The following AP1M1 variants were observed in gnomAD, a reference collection of about 807,000 sequenced individuals.
AP1M1 encodes adaptor related protein complex 1 subunit mu 1, also known as AP-1 complex subunit mu-1.
A neutral mutation model predicts 57.1 loss-of-function variants in AP1M1; 18 were observed. The ratio of observed to expected loss-of-function variants is 0.32; its 90% CI spans 0.22 to 0.47. The LOEUF is 0.47. AP1M1 is among the 20% of genes least tolerant of loss of function. AP1M1 has a pLI of 1.00. For missense variants in AP1M1, 362 were observed against 593.5 expected, an observed-to-expected ratio of 0.61 and a Z score of 4.05; for synonymous variants, 241 against 237.9, an observed-to-expected ratio of 1.01 and a Z score of -0.12.
At chr19:16,233,658 A>G in intron 10 of AP1M1, 40 bp downstream of exon 10, 1 of 1,585,440 alleles carries the variant, frequency 6.3e-7, no homozygotes, top group Middle Eastern at 1.7e-4. Context: ...GAACAGGGAC[A>G]GAGGCCGCAG....
chr19:16,197,914 A>G lies in AP1M1; in HGVS notation c.-113A>G, dbSNP rs1394988010. The G allele has an allele frequency of 1.2e-6, 1 of 847,582 alleles. No individual in the cohort carries two copies. The highest frequency in any genetic ancestry group is 1.7e-6 in the Non-Finnish European group (1 of 583,242). 52.5% of individuals were successfully genotyped at this position (847,582 alleles called of 1,614,324 possible). The stretch of plus-strand genomic sequence containing the variant: ...TCCCCGCGCGGCTCCCCGAACCGGA[A>G]GTGGAGGTGAGCTGTCGCGGGCGGC... On this transcript the variant is annotated 5_prime_UTR_variant, in exon 1 of 12. Transcript: ENST00000291439.
rs1347693912 is a variant in AP1M1 at position 16,239,327 on chromosome 19, C to T, written c.*4892C>T. The T allele has an allele frequency of 7.9e-6, 1 of 127,320 alleles. No homozygotes were observed. Among genetic ancestry groups the T allele is most frequent in the Non-Finnish European group, 1.6e-5 (1 of 63,244 alleles). The allele number at this position is 127,320 out of a possible 1,614,324, so 7.9% of individuals were successfully genotyped here. ...TAGTATGCACCTGTAGTCCCAACTA[C>T]TTGGGAGGCTGAGGCTAGAGGATTA... On this transcript the variant is annotated 3_prime_UTR_variant, in exon 12 of 12. Coordinates refer to ENST00000291439, the MANE Select transcript of AP1M1 (RefSeq NM_032493.4).
chr19:16,198,903 G>A (rs2091436202), intron 1 of AP1M1, among the ~76,000 whole-genome samples: 1 of 152,112 alleles, frequency 6.6e-6, no homozygotes, highest in South Asian at 2.1e-4. Flanking sequence ...CGCCTCCCGG[G>A]TTCAAGCAAT....
Position 16,244,003 on chromosome 19 carries a change from A to G in AP1M1, c.*9568A>G, listed in dbSNP as rs905350689. On this transcript the variant is annotated 3_prime_UTR_variant, in exon 12 of 12. Coordinates refer to ENST00000291439, the MANE Select transcript of AP1M1 (RefSeq NM_032493.4). ...TGCAGGTGACATGGGTGTGCTCTCGAGAATCCATCAAGCATTGATGATTTG... is the reference window on the plus strand; with the variant it reads ...TGCAGGTGACATGGGTGTGCTCTCGGGAATCCATCAAGCATTGATGATTTG... The G allele has an allele frequency of 1.3e-5, 2 of 152,194 alleles. No individual in the cohort carries two copies. Among genetic ancestry groups the G allele is most frequent in the African/African-American group, 4.8e-5 (2 of 41,438 alleles). The allele number at this position is 152,194 out of a possible 1,614,324, so 9.4% of individuals were successfully genotyped here.
Position 16,203,519 on chromosome 19 carries a change from C to G in AP1M1, c.103C>G (p.Pro35Ala), listed in dbSNP as rs1300241870. 3 of 1,614,198 alleles carry G rather than the reference C, an allele frequency of 1.9e-6. No homozygotes were observed. Among genetic ancestry groups the G allele is most frequent in the East Asian group, 2.2e-5 (1 of 44,888 alleles). ...CATGTCAGAGGTGGAGCACTTCATG[C>G]CCATCCTGATGGAGAAGGAGGAGGA... The part of the protein sequence containing the change: ...VDMSEVEHFM[P>A]ILMEKEEEGM... Residue 35 changes from proline (P) to alanine (A), a missense_variant, in exon 2 of 12, where the codon CCC (proline) becomes GCC (alanine). This residue lies in a region of AP1M1 where 337 missense variants were observed against 511.1 expected (regional missense o/e 0.66). Coordinates refer to ENST00000291439, the MANE Select transcript of AP1M1 (RefSeq NM_032493.4). This position sits in a 1 kb window ranked among gnomAD's most constrained non-coding sequence, Gnocchi z 4.6.
rs1368964507 is a variant in AP1M1, at chr19:16,227,971, G to A, written c.817-166G>A. On this transcript the variant is annotated intron_variant, in intron 7 of 11. Transcript: ENST00000291439. This position sits in a 1 kb window ranked among gnomAD's most constrained non-coding sequence, Gnocchi z 6.2. The stretch of plus-strand genomic sequence containing the variant: ...CTCCCCGGTAGCTCCCGGCTACCTC[G>A]GCCTGTCTGCCCTGGCCCTCCCTGA... Among the ~76,000 whole-genome samples the A allele has an allele frequency of 1.3e-5, 2 of 152,204 alleles. No individual in the cohort carries two copies. The highest frequency in any genetic ancestry group is 2.1e-4 in the South Asian group (1 of 4,832).
chr19:16,208,899 C>G, intron 4 of AP1M1, 131 bp from the exon 5 acceptor site: 1 of 1,109,582 alleles, frequency 9.0e-7, no homozygotes, highest in Non-Finnish European at 1.3e-6. Flanking sequence ...CTGCTGAAAT[C>G]CAAGGGCTAT....
chr19:16,233,991 C>T, intron 10 of AP1M1: 1 of 593,720 alleles, frequency 1.7e-6, no homozygotes, highest in Non-Finnish European at 2.9e-6. Flanking sequence ...CAAGCCACAT[C>T]CTGGCTGCTC....
rs2091474227 is a variant in AP1M1, at chr19:16,207,493, A to G, written c.268-526A>G. On this transcript the variant is annotated intron_variant, in intron 3 of 11. Transcript: ENST00000291439. This position sits in a 1 kb window ranked among gnomAD's most constrained non-coding sequence, Gnocchi z 4.2. Reference sequence around the variant, plus strand: ...GCGGGAAGGGGAAGGTCCTCACCCAAGGGTTGGGCTGTGCCTTTCTGTTTT... The same window carrying G: ...GCGGGAAGGGGAAGGTCCTCACCCAGGGGTTGGGCTGTGCCTTTCTGTTTT... Among the ~76,000 whole-genome samples the G allele has an allele frequency of 6.6e-6, 1 of 152,084 alleles. No homozygotes were observed. Among genetic ancestry groups the G allele is most frequent in the South Asian group, 2.1e-4 (1 of 4,830 alleles).
At position 16,198,081 on chromosome 19, in the gene AP1M1, C is replaced by T. The variant is rs1287108405; in HGVS notation, c.42+13C>T. 6.3e-7 allele frequency: 1 copy of T among 1,597,966 alleles called. No individual in the cohort carries two copies. The highest frequency in any genetic ancestry group is 1.1e-5 in the South Asian group (1 of 89,540). On this transcript the variant is annotated intron_variant, in intron 1 of 11. Transcript: ENST00000291439. ...CCTGAAGGGCAAGGTACTGAGGGCT[C>T]CCCACCCTCCCTGTTGCCAGGCAAC...
In AP1M1 at chr19:16,207,003, A is replaced by T. The variant is rs575531150; in HGVS notation, c.267+595A>T. 1.3e-5 allele frequency among the ~76,000 whole-genome samples: 2 copies of T among 152,288 alleles called. No homozygotes were observed. The highest frequency in any genetic ancestry group is 4.8e-5 in the African/African-American group (2 of 41,560). ...GAGTGTGGATTTCATTCCACTTCTGATGAAAGGTAGTGGAGGGCTTTAAGC... is the reference window on the plus strand; with the variant it reads ...GAGTGTGGATTTCATTCCACTTCTGTTGAAAGGTAGTGGAGGGCTTTAAGC... On this transcript the variant is annotated intron_variant, in intron 3 of 11. Transcript: ENST00000291439. This position sits in a 1 kb window ranked among gnomAD's most constrained non-coding sequence, Gnocchi z 4.2.
At chr19:16,229,018 G>T in intron 9 of AP1M1, 90 bp downstream of exon 9, 4 of 1,466,076 alleles carry the variant, frequency 2.7e-6, no homozygotes, top group Non-Finnish European at 3.7e-6. Context: ...ACCTCAAGAT[G>T]GGGTGACAGT....
chr19:16,206,267 T>C lies in AP1M1; in HGVS notation c.200-74T>C. 1 of 1,483,692 alleles carries C rather than the reference T, an allele frequency of 6.7e-7. No individual in the cohort carries two copies. The highest frequency in any genetic ancestry group is 9.4e-7 in the Non-Finnish European group (1 of 1,064,886). 91.9% of individuals were successfully genotyped at this position (1,483,692 alleles called of 1,614,324 possible). On this transcript the variant is annotated intron_variant, in intron 2 of 11. Coordinates refer to ENST00000291439, the MANE Select transcript of AP1M1 (RefSeq NM_032493.4). This position sits in a 1 kb window ranked among gnomAD's most constrained non-coding sequence, Gnocchi z 4.3. Reference sequence around the variant, plus strand: ...TCTGAGGGTTGTGAGGGTTAGGGGGTCCCTCCATGAACCAGGATCTTCCAG... The same window carrying C: ...TCTGAGGGTTGTGAGGGTTAGGGGGCCCCTCCATGAACCAGGATCTTCCAG...
intron 2 of AP1M1, among the ~76,000 whole-genome samples, chr19:16,205,742 C>T (rs548783589): frequency 6.6e-6 from 1 of 152,336 alleles, no homozygotes; most frequent in South Asian, 2.1e-4. Context: ...GCTCCTGTGG[C>T]AGAAGGGAAC....
At position 16,203,485 on chromosome 19, in the gene AP1M1, C is replaced by T. The variant is rs554289228; in HGVS notation, c.69C>T (p.Gly23=). 5.8e-5 allele frequency: 93 copies of T among 1,614,170 alleles called. No homozygotes were observed. The South Asian group carries it at 6.7e-4, about 12-fold the overall frequency. ...TGCTCATCTGCCGGAACTACCGTGG[C>T]GACGTGGACATGTCAGAGGTGGAGC... ...GKVLICRNYR[G]DVDMSEVEHF... The change falls in exon 2 of 12, where the codon GGC becomes GGT. Residue 23 remains glycine, a synonymous_variant. Transcript: ENST00000291439. The surrounding 1 kb of genome is among the most constrained non-coding windows in gnomAD (Gnocchi z 4.6).
rs2091654301 is a variant in AP1M1, at chr19:16,244,020, G to A, written c.*9585G>A. 6.6e-6 allele frequency: 1 copy of A among 152,082 alleles called. No homozygotes were observed. Among genetic ancestry groups the A allele is most frequent in the Non-Finnish European group, 1.5e-5 (1 of 68,008 alleles). 9.4% of individuals were successfully genotyped at this position (152,082 alleles called of 1,614,324 possible). On this transcript the variant is annotated 3_prime_UTR_variant, in exon 12 of 12. Coordinates refer to ENST00000291439, the MANE Select transcript of AP1M1 (RefSeq NM_032493.4). ...TGCTCTCGAGAATCCATCAAGCATT[G>A]ATGATTTGCACACTCTTTTGTGTAT...
chr19:16,205,934 C>T (rs1470450954), intron 2 of AP1M1, among the ~76,000 whole-genome samples: 4 of 152,144 alleles, frequency 2.6e-5, no homozygotes, highest in East Asian at 1.9e-4. Flanking sequence ...AGAGTCTGGC[C>T]GGGGGACCCT....
intron 1 of AP1M1, 45 bp downstream of exon 1, chr19:16,198,113 G>A (rs1256585280): frequency 1.9e-6 from 3 of 1,587,348 alleles, no homozygotes; most frequent in Admixed American, 3.5e-5. Context: ...CAACCGGCAG[G>A]GGCCTCCGCC....
chr19:16,240,984 T>C lies in AP1M1; in HGVS notation c.*6549T>C, dbSNP rs2091643649. The C allele has an allele frequency of 6.6e-6, 1 of 152,140 alleles. No homozygotes were observed. Among genetic ancestry groups the C allele is most frequent in the African/African-American group, 2.4e-5 (1 of 41,426 alleles). 9.4% of individuals were successfully genotyped at this position (152,140 alleles called of 1,614,324 possible). A position where few individuals can be genotyped will look rare whatever the true frequency, so the allele number is the denominator to read the frequency against. ...AAGATAGAGCATGGCTTCAAATTAC[T>C]GAGAGAAGTGCAGTCTAGAATTCTG... On this transcript the variant is annotated 3_prime_UTR_variant, in exon 12 of 12. Transcript: ENST00000291439.
Sources: allele counts gnomAD v4.1 joint callset (sites outside exome capture counted in the v4.1 genomes callset), GRCh38; gene constraint gnomAD v4.1.1; regional missense constraint gnomAD v4.1.1; non-coding constraint Gnocchi (gnomAD v3.1); transcripts MANE v1.5; gene names NCBI Gene and HGNC (gene_info 2026-07-23, HGNC 2026-07-21).